The following SLC6A16 variants were observed in gnomAD, a reference collection of about 807,000 sequenced individuals.
The protein encoded by SLC6A16 is solute carrier family 6 member 16, also known as orphan sodium- and chloride-dependent neurotransmitter transporter NTT5.
A neutral mutation model predicts 65.4 loss-of-function variants in SLC6A16; 54 were observed. That is an observed-to-expected ratio of 0.83 (90% CI 0.66 to 1.04). The LOEUF is 1.04. SLC6A16 is among the 50% of genes least tolerant of loss of function. The pLI is 0.00. For missense variants in SLC6A16, 816 were observed against 914.0 expected, an observed-to-expected ratio of 0.89 and a Z score of 1.38; for synonymous variants, 330 against 346.5, an observed-to-expected ratio of 0.95 and a Z score of 0.53.
the SLC6A16 span, among the ~76,000 whole-genome samples, chr19:49,333,962 G>C: frequency 1.3e-5 from 2 of 152,176 alleles, no homozygotes; most frequent in South Asian, 2.1e-4. Context: ...TCCGCTCCTC[G>C]GGCCCCACTG....
At position 49,313,072 on chromosome 19, in the gene SLC6A16, C is replaced by CA. The variant is rs5828385; in HGVS notation, c.-64-1662dup. 7.3e-3 allele frequency among the ~76,000 whole-genome samples: 702 copies of CA among 95,560 alleles called. 31 individuals are homozygous for CA. Among genetic ancestry groups the CA allele is most frequent in the African/African-American group, 0.029 (544 of 18,950 alleles). 62.7% of individuals were successfully genotyped at this position (95,560 alleles called of 152,430 possible). A position where few individuals can be genotyped will look rare whatever the true frequency, so the allele number is the denominator to read the frequency against. On this transcript the variant is annotated intron_variant, in intron 1 of 11. Coordinates refer to ENST00000335875, the MANE Select transcript of SLC6A16 (RefSeq NM_014037.3). ...CACTCCAGCCTGGGCAACCCTGTCT[C>CA]AAAAAAAAAAAAAAAAAAAAAAAGA...
At chr19:49,315,739 G>A (rs528917947) in intron 1 of SLC6A16, among the ~76,000 whole-genome samples, 7 of 152,034 alleles carry the variant, frequency 4.6e-5, no homozygotes, top group African/African-American at 1.2e-4. Context: ...GATGATTTAC[G>A]GAGAAAAACT....
At chr19:49,310,294 G>A in intron 3 of SLC6A16, 59 bp downstream of exon 3, 1 of 1,606,526 alleles carries the variant, frequency 6.2e-7, no homozygotes, top group Non-Finnish European at 8.5e-7. Flanking sequence ...ATTTCAGGAG[G>A]AGGGTTGGGA....
intron 1 of SLC6A16, among the ~76,000 whole-genome samples, chr19:49,321,323 A>T (rs1006951224): frequency 9.0e-4 from 13 of 14,398 alleles, no homozygotes; most frequent in Non-Finnish European, 1.9e-3. Flanking sequence ...TCATGATAAA[A>T]AAAAAAAAAA....
the SLC6A16 span, chr19:49,332,432 G>T: frequency 8.0e-6 from 3 of 373,390 alleles, no homozygotes; most frequent in Non-Finnish European, 1.6e-5. Flanking sequence ...GCAGGCGCCT[G>T]CCTGTAATCA....
chr19:49,303,721 C>T (rs1392834148), intron 7 of SLC6A16, among the ~76,000 whole-genome samples: 1 of 151,932 alleles, frequency 6.6e-6, no homozygotes, highest in Non-Finnish European at 1.5e-5. Flanking sequence ...ATCTAACGCC[C>T]TTCAGTCATT....
chr19:49,317,514 C>T (rs1216800578), intron 1 of SLC6A16, among the ~76,000 whole-genome samples: 2 of 152,012 alleles, frequency 1.3e-5, no homozygotes, highest in East Asian at 3.9e-4. Flanking sequence ...CACTACAAAA[C>T]TGTACAAATA....
chr19:49,313,964 C>A (rs368404403), intron 1 of SLC6A16, among the ~76,000 whole-genome samples: 1 of 151,878 alleles, frequency 6.6e-6, no homozygotes, highest in Non-Finnish European at 1.5e-5. Context: ...GGCACAGTGG[C>A]GGGCGCCTGT....
the SLC6A16 span, chr19:49,331,602 C>G: frequency 2.8e-6 from 1 of 362,666 alleles, no homozygotes; most frequent in Non-Finnish European, 5.5e-6. Flanking sequence ...CTTAATACAA[C>G]AGGTTGTTAC....
upstream of SLC6A16, among the ~76,000 whole-genome samples, chr19:49,329,471 TGA>T (rs1970827468): frequency 6.6e-6 from 1 of 152,030 alleles, no homozygotes; most frequent in African/African-American, 2.4e-5. Flanking sequence ...GTTTGGGGTC[TGA>T]GAGAAAGAGA....
the SLC6A16 span, chr19:49,340,042 C>G: frequency 6.7e-7 from 1 of 1,496,316 alleles, no homozygotes; most frequent in Non-Finnish European, 8.9e-7. Context: ...TTCTCAGCCT[C>G]TACCCCCACT....
At chr19:49,297,554 G>A (rs1334570058) in intron 7 of SLC6A16, among the ~76,000 whole-genome samples, 3 of 152,124 alleles carry the variant, frequency 2.0e-5, no homozygotes, top group African/African-American at 4.8e-5. Flanking sequence ...CCGTTACCAC[G>A]TAACCCAGTG....
chr19:49,339,888 G>A, the SLC6A16 span: 1 of 1,341,486 alleles, frequency 7.5e-7, no homozygotes. The surrounding 1 kb of genome is among the most constrained non-coding windows in gnomAD (Gnocchi z 4.5). Context: ...GGCTCTGGCC[G>A]CTGTGGGTTC....
the SLC6A16 span, among the ~76,000 whole-genome samples, chr19:49,333,512 G>A: frequency 6.6e-6 from 1 of 152,222 alleles, no homozygotes; most frequent in Non-Finnish European, 1.5e-5. Flanking sequence ...GAGGCAGGTG[G>A]TGACTCAGCG....
intron 1 of SLC6A16, among the ~76,000 whole-genome samples, chr19:49,317,975 C>A (rs1790351026): frequency 1.3e-5 from 2 of 152,112 alleles, no homozygotes; most frequent in Non-Finnish European, 2.9e-5. Flanking sequence ...AGAATACAAA[C>A]AGAGCCTGGC....
At chr19:49,299,333 C>T (rs991009833) in intron 7 of SLC6A16, among the ~76,000 whole-genome samples, 16 of 151,098 alleles carry the variant, frequency 1.1e-4, no homozygotes, top group Non-Finnish European at 2.1e-4. Flanking sequence ...GCAAACCGAT[C>T]ACTTGATGTC....
At chr19:49,314,369 C>T (rs965516300) in intron 1 of SLC6A16, among the ~76,000 whole-genome samples, 9 of 152,046 alleles carry the variant, frequency 5.9e-5, no homozygotes, top group East Asian at 1.9e-4. Context: ...GTACAAGGAA[C>T]GATGAATTAG....
At chr19:49,301,995 G>A (rs1049304363) in intron 7 of SLC6A16, among the ~76,000 whole-genome samples, 3 of 152,174 alleles carry the variant, frequency 2.0e-5, no homozygotes, top group Non-Finnish European at 4.4e-5. Context: ...GTGCACACAC[G>A]CCTCCAGCTC....
the SLC6A16 span, chr19:49,336,018 G>A: frequency 3.5e-6 from 2 of 576,614 alleles, no homozygotes; most frequent in Non-Finnish European, 6.2e-6. Context: ...TATCTGTCGG[G>A]ACTTGTGGCT....
Sources: gnomAD v4.1 joint callset for allele counts (sites outside exome capture counted in the v4.1 genomes callset) on GRCh38, gnomAD v4.1.1 for gene constraint, Gnocchi (gnomAD v3.1) non-coding constraint, MANE v1.5 for transcripts, NCBI Gene and HGNC (gene_info 2026-07-23, HGNC 2026-07-21) for gene names.